The following CLVS1 variants were observed in gnomAD, a reference collection of about 807,000 sequenced individuals.
CLVS1 encodes the protein clavesin-1.
In CLVS1, 10 loss-of-function variants were observed where a neutral mutation model predicts 33.1. That is an observed-to-expected ratio of 0.30 (90% CI 0.19 to 0.51). The LOEUF (loss-of-function observed/expected upper bound fraction) is 0.51. CLVS1 is among the 20% of genes least tolerant of loss of function. The pLI is 0.97. For missense variants in CLVS1, 343 were observed against 433.4 expected (o/e 0.79, Z 1.85); for synonymous variants, 163 against 166.1 (o/e 0.98, Z 0.14).
At chr8:61,257,800 A>G (rs1017919287) in intron 2 of CLVS1, among the ~76,000 whole-genome samples, 4 of 152,202 alleles carry the variant, frequency 2.6e-5, no homozygotes. Context: ...GAGAAAATAA[A>G]TATGCCTCTG....
At chr8:61,092,269 C>G (rs779974165) in intron 1 of CLVS1, among the ~76,000 whole-genome samples, 1 of 152,100 alleles carries the variant, frequency 6.6e-6, no homozygotes, top group Non-Finnish European at 1.5e-5. Context: ...GTCAGGAAAC[C>G]AGGCATGTAG....
chr8:61,110,811 C>T (rs1029604457), intron 1 of CLVS1, among the ~76,000 whole-genome samples: 3 of 152,208 alleles, frequency 2.0e-5, no homozygotes, highest in East Asian at 1.9e-4. Flanking sequence ...CTTTTCGTGA[C>T]TGGCTTATTT....
the CLVS1 span, among the ~76,000 whole-genome samples, chr8:61,037,852 C>T: frequency 6.6e-6 from 1 of 152,152 alleles, no homozygotes; most frequent in Non-Finnish European, 1.5e-5. Flanking sequence ...TTCATGGCAG[C>T]CAGTGCTGTG....
chr8:61,291,867 G>T (rs1051370288), intron 1 of CLVS1: 2 of 163,104 alleles, frequency 1.2e-5, no homozygotes, highest in Admixed American at 1.1e-4. Flanking sequence ...AGTGCATTAG[G>T]GCTGTCCACA....
At chr8:60,971,466 C>T in the CLVS1 span, among the ~76,000 whole-genome samples, 1 of 152,202 alleles carries the variant, frequency 6.6e-6, no homozygotes, top group Non-Finnish European at 1.5e-5. Context: ...CAGTAATGCT[C>T]ACTTTGATTT....
chr8:61,460,190 AG>A (rs1213968102), intron 5 of CLVS1, among the ~76,000 whole-genome samples: 1 of 152,206 alleles, frequency 6.6e-6, no homozygotes, highest in Non-Finnish European at 1.5e-5. Context: ...ACATATGAAG[AG>A]GCTTGAAAAT....
At chr8:61,201,595 T>C (rs1038003785) in intron 2 of CLVS1, among the ~76,000 whole-genome samples, 3 of 152,210 alleles carry the variant, frequency 2.0e-5, no homozygotes, top group Non-Finnish European at 4.4e-5. Flanking sequence ...GATTTGGTCA[T>C]GAGAAAAGTT....
intron 2 of CLVS1, among the ~76,000 whole-genome samples, chr8:61,332,374 G>C (rs1811631929): frequency 6.6e-6 from 1 of 152,088 alleles, no homozygotes; most frequent in South Asian, 2.1e-4. Flanking sequence ...TGTGTTAGTT[G>C]CTTGTCTCTG....
In CLVS1 at chr8:61,161,441, AG is replaced by A. The variant is rs374135762; in HGVS notation, c.-152+29583del. Among the ~76,000 whole-genome samples, 18 of 152,334 alleles carry A rather than the reference AG, an allele frequency of 1.2e-4. No homozygotes were observed. In the East Asian group the frequency reaches 3.3e-3, roughly 28 times the overall value. On this transcript the variant is annotated intron_variant, in intron 2 of 2. Coordinates refer to the CLVS1 transcript ENST00000522621. ...GTGTTCATCAATGGATGAATGTATG[AG>A]GCAAATGTTGAATACTATTCAGCCT...
intron 3 of CLVS1, among the ~76,000 whole-genome samples, chr8:61,403,998 A>G (rs1453375749): frequency 1.3e-5 from 2 of 152,204 alleles, no homozygotes; most frequent in African/African-American, 2.4e-5. Context: ...TCCAGACATA[A>G]TGAATAATCG....
the CLVS1 span, among the ~76,000 whole-genome samples, chr8:60,976,814 C>T: frequency 6.6e-6 from 1 of 152,254 alleles, no homozygotes; most frequent in African/African-American, 2.4e-5. Flanking sequence ...CCTGATGCGG[C>T]TTTCTGCCGC....
intron 1 of CLVS1, among the ~76,000 whole-genome samples, chr8:61,297,933 G>A (rs1278051991): frequency 6.6e-6 from 1 of 152,152 alleles, no homozygotes; most frequent in East Asian, 1.9e-4. Context: ...TTTGTTTATT[G>A]GATGTAGTAA....
intron 2 of CLVS1, among the ~76,000 whole-genome samples, chr8:61,164,866 C>G (rs1380436639): frequency 6.6e-6 from 1 of 152,134 alleles, no homozygotes; most frequent in African/African-American, 2.4e-5. Context: ...CGTGTGAGAC[C>G]AAGAACCCTG....
the CLVS1 span, among the ~76,000 whole-genome samples, chr8:60,993,659 C>G: frequency 6.6e-6 from 1 of 152,214 alleles, no homozygotes; most frequent in Non-Finnish European, 1.5e-5. Flanking sequence ...AAGGCAGCTC[C>G]TCCTGAATAG....
At chr8:61,490,656 C>CAAAAA (rs11455386) in intron 5 of CLVS1, among the ~76,000 whole-genome samples, 1 of 113,098 alleles carries the variant, frequency 8.8e-6, no homozygotes. Flanking sequence ...AGATCCGTCT[C>CAAAAA]AAAAAAAAAA....
chr8:61,307,722 T>C (rs1810680242), intron 2 of CLVS1, among the ~76,000 whole-genome samples: 1 of 152,166 alleles, frequency 6.6e-6, no homozygotes, highest in Admixed American at 6.5e-5. Flanking sequence ...GGGGTACAAG[T>C]GCAGTTTTGT....
At chr8:61,357,661 A>C (rs1002832209) in intron 2 of CLVS1, among the ~76,000 whole-genome samples, 5 of 151,294 alleles carry the variant, frequency 3.3e-5, no homozygotes, top group Admixed American at 1.3e-4. Flanking sequence ...GCCTGCCACC[A>C]TGTCTGGCTA....
chr8:61,045,040 T>C, the CLVS1 span, among the ~76,000 whole-genome samples: 3 of 152,168 alleles, frequency 2.0e-5, no homozygotes, highest in African/African-American at 7.2e-5. Flanking sequence ...CCCCAGGGCA[T>C]GATCAATGGG....
chr8:61,365,399 T>C (rs1485330786), intron 2 of CLVS1, among the ~76,000 whole-genome samples: 1 of 151,998 alleles, frequency 6.6e-6, no homozygotes, highest in Non-Finnish European at 1.5e-5. Flanking sequence ...TGGTGGTGGG[T>C]GCCTGTAATC....
Sources: allele counts gnomAD v4.1 joint callset (sites outside exome capture counted in the v4.1 genomes callset), GRCh38; gene constraint gnomAD v4.1.1; transcripts MANE v1.5; gene names NCBI Gene and HGNC (gene_info 2026-07-23, HGNC 2026-07-21).